Variants in GRID2 observed in about 807,000 individuals in gnomAD.
GRID2 encodes the protein glutamate receptor ionotropic, delta-2.
In GRID2, 33 loss-of-function variants were observed where a neutral mutation model predicts 114.8. The observed-to-expected ratio is 0.29, with a 90% confidence interval of 0.22 to 0.38. The LOEUF (loss-of-function observed/expected upper bound fraction) is 0.38. GRID2 is among the 10% of genes least tolerant of loss of function. The pLI, the probability that GRID2 is intolerant of heterozygous loss-of-function variation, is 1.00. For missense variants in GRID2, 1,184 were observed against 1,257.7 expected, an observed-to-expected ratio of 0.94 and a Z score of 0.89; for synonymous variants, 505 against 449.9, an observed-to-expected ratio of 1.12 and a Z score of -1.55.
intron 8 of GRID2, among the ~76,000 whole-genome samples, chr4:93,278,815 G>A (rs868559540): frequency 9.3e-5 from 14 of 151,222 alleles, no homozygotes; most frequent in African/African-American, 2.7e-4. Context: ...GGTGGTTTTT[G>A]TGAACAGAAA....
chr4:93,709,932 T>C (rs111925179), intron 14 of GRID2, among the ~76,000 whole-genome samples: 25 of 152,340 alleles, frequency 1.6e-4, no homozygotes, highest in African/African-American at 6.0e-4. Context: ...TATTTTAATC[T>C]CTTTGTTAAA....
At chr4:92,651,934 A>C (rs1360559291) in intron 2 of GRID2, among the ~76,000 whole-genome samples, 2 of 151,898 alleles carry the variant, frequency 1.3e-5, no homozygotes, top group East Asian at 3.9e-4. Flanking sequence ...TTCATAGAAC[A>C]CTCCCCATGA....
intron 2 of GRID2, among the ~76,000 whole-genome samples, chr4:92,876,156 G>A (rs538706915): frequency 6.6e-6 from 1 of 151,480 alleles, no homozygotes; most frequent in African/African-American, 2.4e-5. Context: ...TGATCCCTTT[G>A]TAATGTTTAG....
chr4:93,124,104 A>C (rs1294940476), intron 4 of GRID2, among the ~76,000 whole-genome samples: 1 of 86,992 alleles, frequency 1.1e-5, no homozygotes, highest in Admixed American at 1.4e-4. Context: ...CTTAAAGTAT[A>C]ATAAAAAAAA....
rs370489125 is a variant in GRID2, at chr4:93,009,373, G to A, written c.245-75622G>A. On this transcript the variant is annotated intron_variant, in intron 2 of 15. Transcript: ENST00000282020. ...AAAAATAATCAGGGTCTGGTGAGAG[G>A]ATAGATAGAAGGATGCTCAACACCA... Among the ~76,000 whole-genome samples the A allele has an allele frequency of 1.4e-4, 21 of 152,188 alleles. No individual in the cohort carries two copies. In the South Asian group the frequency reaches 4.1e-3, roughly 30 times the overall value.
At chr4:93,143,805 T>C (rs1735965607) in intron 4 of GRID2, among the ~76,000 whole-genome samples, 1 of 152,184 alleles carries the variant, frequency 6.6e-6, no homozygotes, top group Admixed American at 6.5e-5. Flanking sequence ...AAACACAACA[T>C]AGATATCTGT....
rs546596485 is a variant in GRID2, at chr4:92,819,365, C to A, written c.244+229079C>A. Among the ~76,000 whole-genome samples, 4 of 152,162 alleles carry A rather than the reference C, an allele frequency of 2.6e-5. No individual in the cohort carries two copies. In the South Asian group the frequency reaches 8.3e-4, roughly 32 times the overall value. On this transcript the variant is annotated intron_variant, in intron 2 of 15. Transcript: ENST00000282020. The stretch of plus-strand genomic sequence containing the variant: ...TAAGCTCCTGAGTGATTCCAATGTG[C>A]AGCCAGTACTGAGAACCACTGGACT...
chr4:93,042,590 T>G (rs993671230), intron 2 of GRID2, among the ~76,000 whole-genome samples: 5 of 144,518 alleles, frequency 3.5e-5, no homozygotes, highest in Non-Finnish European at 6.0e-5. Context: ...AGCTATCTTA[T>G]GCAAACATGA....
chr4:93,323,452 T>C (rs1000871573), intron 8 of GRID2, among the ~76,000 whole-genome samples: 6 of 152,294 alleles, frequency 3.9e-5, no homozygotes, highest in African/African-American at 1.4e-4. Context: ...TACTGTAGCC[T>C]TGTAGTATAG....
intron 1 of GRID2, among the ~76,000 whole-genome samples, chr4:92,570,729 T>C (rs903153900): frequency 2.6e-5 from 4 of 152,046 alleles, no homozygotes; most frequent in Non-Finnish European, 4.4e-5. Flanking sequence ...TGGGAGATCA[T>C]TTGTGATTTG....
Position 93,215,179 on chromosome 4 carries a change from A to T in GRID2, c.790-1559A>T, listed in dbSNP as rs868071221. On this transcript the variant is annotated intron_variant, in intron 5 of 15. Coordinates refer to ENST00000282020, the MANE Select transcript of GRID2 (RefSeq NM_001510.4). ...TTCATTATGAGTGGTGTAGATAGAG[A>T]TGCTGCTGTTTGATAAAATGTTGAT... Among the ~76,000 whole-genome samples, 6 of 149,720 alleles carry T rather than the reference A, an allele frequency of 4.0e-5. No homozygotes were observed. In the East Asian group the frequency reaches 1.2e-3, roughly 30 times the overall value.
At chr4:93,569,293 A>G (rs1735718523) in intron 13 of GRID2, among the ~76,000 whole-genome samples, 1 of 152,096 alleles carries the variant, frequency 6.6e-6, no homozygotes, top group African/African-American at 2.4e-5. Flanking sequence ...TACTCAATAA[A>G]TCACTCGTAT....
intron 2 of GRID2, among the ~76,000 whole-genome samples, chr4:92,637,433 C>T (rs1391164844): frequency 1.3e-5 from 2 of 151,970 alleles, no homozygotes; most frequent in Admixed American, 6.6e-5. Context: ...GCTTGGTCTT[C>T]TTCTAAGTTA....
At chr4:92,984,090 T>C in intron 2 of GRID2, among the ~76,000 whole-genome samples, 1 of 152,226 alleles carries the variant, frequency 6.6e-6, no homozygotes. Context: ...TCAAATAAAG[T>C]ACAGCTATAA....
intron 2 of GRID2, among the ~76,000 whole-genome samples, chr4:92,607,436 T>C (rs1180494292): frequency 6.6e-6 from 1 of 151,930 alleles, no homozygotes; most frequent in Non-Finnish European, 1.5e-5. Context: ...AGGAGCGTTA[T>C]ACTGTGTAAA....
chr4:93,260,920 T>C (rs1377710433), intron 8 of GRID2, among the ~76,000 whole-genome samples: 1 of 151,828 alleles, frequency 6.6e-6, no homozygotes, highest in African/African-American at 2.4e-5. Context: ...ATTAAAACAT[T>C]GGCCTGTAGA....
chr4:93,714,290 A>G (rs918992053), intron 14 of GRID2, among the ~76,000 whole-genome samples: 4 of 152,190 alleles, frequency 2.6e-5, no homozygotes, highest in Admixed American at 6.5e-5. Flanking sequence ...TTATGGCTGC[A>G]TAGTATTCCA....
intron 14 of GRID2, among the ~76,000 whole-genome samples, chr4:93,668,527 A>G (rs1034684993): frequency 1.3e-5 from 2 of 152,096 alleles, no homozygotes; most frequent in African/African-American, 4.8e-5. Flanking sequence ...CACATTGTAT[A>G]TGTGTATATG....
chr4:93,401,545 G>T (rs114688695), intron 9 of GRID2, among the ~76,000 whole-genome samples: 4 of 151,974 alleles, frequency 2.6e-5, no homozygotes, highest in Admixed American at 1.3e-4. Flanking sequence ...TAAGTTAAAC[G>T]TCACTGGGCA....
Sources: gnomAD v4.1 joint callset for allele counts (sites outside exome capture counted in the v4.1 genomes callset) on GRCh38, gnomAD v4.1.1 for gene constraint, MANE v1.5 for transcripts, NCBI Gene and HGNC (gene_info 2026-07-23, HGNC 2026-07-21) for gene names.